Variants in WWOX observed in about 807,000 individuals in gnomAD.
WWOX encodes the protein WW domain containing oxidoreductase, also known as WW domain-containing oxidoreductase.
A neutral mutation model predicts 46.2 loss-of-function variants in WWOX; 69 were observed. The observed-to-expected ratio is 1.49, with a 90% confidence interval of 1.23 to 1.82. The LOEUF is 1.82. Among genes scored for constraint, WWOX ranks in the 40% most tolerant of loss-of-function variants. The pLI is 0.00. For synonymous variants in WWOX, 359 were observed against 202.6 expected, an observed-to-expected ratio of 1.77 and a Z score of -6.56; for missense variants, 919 against 542.6, an observed-to-expected ratio of 1.69 and a Z score of -6.89.
At chr16:78,309,512 C>G (rs377239076) in intron 5 of WWOX, among the ~76,000 whole-genome samples, 24 of 152,060 alleles carry the variant, frequency 1.6e-4, no homozygotes, top group African/African-American at 5.8e-4. Context: ...CTTTATGGAC[C>G]AAACCAATGT....
At chr16:79,097,685 TTC>T (rs952903809) in intron 8 of WWOX, among the ~76,000 whole-genome samples, 51 of 152,172 alleles carry the variant, frequency 3.4e-4, no homozygotes, top group African/African-American at 1.1e-3. Flanking sequence ...TGCAATTTAA[TTC>T]TGTTTCCAAA....
At chr16:79,064,255 A>G (rs2048404124) in intron 8 of WWOX, among the ~76,000 whole-genome samples, 1 of 152,232 alleles carries the variant, frequency 6.6e-6, no homozygotes, top group Non-Finnish European at 1.5e-5. Flanking sequence ...AAGAAAATAC[A>G]AACCCATCCT....
In WWOX at chr16:78,425,141, T is replaced by C. The variant is rs1051957011; in HGVS notation, c.791+86T>C. 4.5e-6 allele frequency: 7 copies of C among 1,568,306 alleles called. No individual in the cohort carries two copies. The Admixed American group carries it at 1.0e-4, about 23-fold the overall frequency. Reference sequence around the variant, plus strand: ...CAAGGCTCTCATTCTGAAAATAATTTTCATTAGTCCTGCTTGAGACATGTG... The same window carrying C: ...CAAGGCTCTCATTCTGAAAATAATTCTCATTAGTCCTGCTTGAGACATGTG... On this transcript the variant is annotated intron_variant, in intron 7 of 8. Transcript: ENST00000566780.
At chr16:79,078,553 G>A (rs6564639) in intron 8 of WWOX, among the ~76,000 whole-genome samples, 100,385 of 152,096 alleles carry the variant, frequency 0.66, 34,327 homozygotes, top group African/African-American at 0.83. Flanking sequence ...GCATAGTACC[G>A]TGTACATTCA....
At chr16:78,718,760 A>T (rs1032297830) in intron 8 of WWOX, among the ~76,000 whole-genome samples, 1 of 152,218 alleles carries the variant, frequency 6.6e-6, no homozygotes, top group East Asian at 1.9e-4. Flanking sequence ...TAAAAGAAGT[A>T]TTCATTTAGG....
intron 8 of WWOX, among the ~76,000 whole-genome samples, chr16:78,837,210 A>G (rs939003945): frequency 1.4e-4 from 21 of 152,224 alleles, no homozygotes; most frequent in African/African-American, 4.8e-4. Context: ...AGGCTGAACC[A>G]GAAGACTTGA....
At chr16:78,923,794 G>GTTTTTTTTTTTTTTTTTTTTTTTA (rs56852814) in intron 8 of WWOX, among the ~76,000 whole-genome samples, 1 of 102,166 alleles carries the variant, frequency 9.8e-6, no homozygotes, top group Non-Finnish European at 1.8e-5. Flanking sequence ...TTTTTAGTTA[G>GTTTTTTTTTTTTTTTTTTTTTTTA]TTTTTTTTTT....
chr16:78,731,689 A>G (rs1428301887), intron 8 of WWOX, among the ~76,000 whole-genome samples: 1 of 152,170 alleles, frequency 6.6e-6, no homozygotes, highest in East Asian at 1.9e-4. Flanking sequence ...CGTCATGATC[A>G]TTATTGACTG....
chr16:78,358,314 C>T (rs2081339606), intron 5 of WWOX, among the ~76,000 whole-genome samples: 1 of 152,156 alleles, frequency 6.6e-6, no homozygotes, highest in South Asian at 2.1e-4. Context: ...TAGAACTCTG[C>T]TAATGAATTA....
At chr16:78,185,427 C>G (rs1453952449) in intron 5 of WWOX, among the ~76,000 whole-genome samples, 1 of 151,994 alleles carries the variant, frequency 6.6e-6, no homozygotes, top group East Asian at 1.9e-4. Flanking sequence ...CAAGAATACA[C>G]CACAGTGCAT....
chr16:78,867,921 G>A (rs2044042112), intron 8 of WWOX, among the ~76,000 whole-genome samples: 1 of 152,156 alleles, frequency 6.6e-6, no homozygotes, highest in Admixed American at 6.5e-5. Context: ...AACTAGAACT[G>A]TCATTCACTG....
At chr16:78,220,394 A>C (rs1275193045) in intron 5 of WWOX, among the ~76,000 whole-genome samples, 3 of 81,742 alleles carry the variant, frequency 3.7e-5, no homozygotes, top group Non-Finnish European at 6.8e-5. Context: ...TACTGAAGTG[A>C]ATAACAAACA....
intron 6 of WWOX, among the ~76,000 whole-genome samples, chr16:78,417,446 T>A (rs551300600): frequency 7.6e-4 from 116 of 152,204 alleles, no homozygotes; most frequent in Non-Finnish European, 1.4e-3. Flanking sequence ...AATCATAATA[T>A]ATGTCACGTA....
At chr16:78,220,076 G>C (rs1340763869) in intron 5 of WWOX, among the ~76,000 whole-genome samples, 2 of 152,150 alleles carry the variant, frequency 1.3e-5, no homozygotes, top group African/African-American at 4.8e-5. Flanking sequence ...TGTAGAATGG[G>C]AGGTAATGCT....
At chr16:78,512,791 G>A (rs1425409866) in intron 8 of WWOX, among the ~76,000 whole-genome samples, 1 of 152,166 alleles carries the variant, frequency 6.6e-6, no homozygotes, top group Non-Finnish European at 1.5e-5. Flanking sequence ...GGTTACTGTT[G>A]CATTGCTTTG....
At chr16:78,937,368 C>A (rs1374482179) in intron 8 of WWOX, among the ~76,000 whole-genome samples, 1 of 144,754 alleles carries the variant, frequency 6.9e-6, no homozygotes, top group Non-Finnish European at 1.5e-5. Context: ...CATCCTTTTT[C>A]TTTGAGTATG....
At chr16:78,648,874 T>C (rs1296702620) in intron 8 of WWOX, among the ~76,000 whole-genome samples, 1 of 152,266 alleles carries the variant, frequency 6.6e-6, no homozygotes, top group Non-Finnish European at 1.5e-5. Context: ...GGGTTCCCTT[T>C]GTTTATTTTT....
Position 78,109,844 on chromosome 16 carries a change from C to G in WWOX, c.230+9C>G, listed in dbSNP as rs1254974575. On this transcript the variant is annotated intron_variant, in intron 3 of 8. Transcript: ENST00000566780. Reference sequence around the variant, plus strand: ...CAAGTGTTTTTTGTTGAGTAAGTGTCTGCAAAGAAACCACTCTCAGCTGTT... The same window carrying G: ...CAAGTGTTTTTTGTTGAGTAAGTGTGTGCAAAGAAACCACTCTCAGCTGTT... The G allele has an allele frequency of 6.8e-6, 11 of 1,613,926 alleles. No homozygotes were observed. The highest frequency in any genetic ancestry group is 1.3e-5 in the African/African-American group (1 of 74,866).
At chr16:78,449,670 T>C (rs1455555366) in intron 8 of WWOX, among the ~76,000 whole-genome samples, 6 of 152,224 alleles carry the variant, frequency 3.9e-5, no homozygotes, top group African/African-American at 9.6e-5. Context: ...TTAAAACATA[T>C]ATGCATTTCT....
Sources: gnomAD v4.1 joint callset for allele counts (sites outside exome capture counted in the v4.1 genomes callset) on GRCh38, gnomAD v4.1.1 for gene constraint, MANE v1.5 for transcripts, NCBI Gene and HGNC (gene_info 2026-07-23, HGNC 2026-07-21) for gene names.